Variants in C3 observed in about 807,000 individuals in gnomAD.
C3 encodes the protein complement C3, also known as C3 and PZP-like alpha-2-macroglobulin domain-containing protein 1.
In C3, 97 loss-of-function variants were observed where a neutral mutation model predicts 207.9. That is an observed-to-expected ratio of 0.47 (90% CI 0.40 to 0.55). The LOEUF (loss-of-function observed/expected upper bound fraction) is 0.55. Among genes scored for constraint, C3 ranks in the 20% least tolerant of loss-of-function variants. The pLI is 0.00. For synonymous variants in C3, 848 were observed against 857.6 expected (o/e 0.99, Z 0.20); for missense variants, 1,684 against 2,171.7 (o/e 0.78, Z 4.46).
intron 24 of C3, among the ~76,000 whole-genome samples, chr19:6,693,717 G>A (rs1375525465): frequency 2.0e-5 from 3 of 151,962 alleles, no homozygotes; most frequent in African/African-American, 7.3e-5. Flanking sequence ...AGGATATTGA[G>A]GGTGGGGGGC....
At chr19:6,690,176 G>A (rs1242394072) in intron 27 of C3, among the ~76,000 whole-genome samples, 2 of 152,136 alleles carry the variant, frequency 1.3e-5, no homozygotes, top group East Asian at 3.9e-4. Flanking sequence ...AAGATCCTCT[G>A]GACTAAGGAA....
At chr19:6,681,490 G>C (rs1378973382) in intron 35 of C3, among the ~76,000 whole-genome samples, 1 of 151,892 alleles carries the variant, frequency 6.6e-6, no homozygotes, top group Admixed American at 6.6e-5. Flanking sequence ...ACTTTGCAGT[G>C]AGCTAGTATC....
intron 21 of C3, among the ~76,000 whole-genome samples, chr19:6,697,058 A>T (rs1205778381): frequency 1.2e-5 from 1 of 81,690 alleles, no homozygotes; most frequent in African/African-American, 5.2e-5. Flanking sequence ...ATAAACAAAC[A>T]AATAAATAAA....
At position 6,680,146 on chromosome 19, in the gene C3, T is replaced by C. The variant is rs1254135637; in HGVS notation, c.4456+12A>G. 6.6e-7 allele frequency: 1 copy of C among 1,504,306 alleles called. No individual in the cohort carries two copies. The highest frequency in any genetic ancestry group is 1.4e-5 in the African/African-American group (1 of 72,588). 93.2% of individuals were successfully genotyped at this position (1,504,306 alleles called of 1,614,324 possible). On this transcript the variant is annotated intron_variant, in intron 36 of 40. Transcript: ENST00000245907. The stretch of plus-strand genomic sequence containing the variant: ...GAACCATCAGACCCCAGGCCCTAGG[T>C]TGGCTGCTCACCCAGGTTGTAATAG...
chr19:6,678,021 A>T lies in C3; in HGVS notation c.4853T>A (p.Leu1618His). The change falls in exon 41 of 41, where the codon CTC becomes CAC. Residue 1618 changes from leucine to histidine, a missense_variant and splice_region_variant. Around this residue, in one of 3 missense-constraint regions of C3, gnomAD observed 346 missense variants for 380.1 expected, o/e 0.91. Transcript: ENST00000245907. ...SSDFWGEKPNLSYIIGKDTWV... is the reference protein window; with the variant it reads ...SSDFWGEKPNHSYIIGKDTWV... ...AGTGTCCTTCCCGATGATGTAGCTGAGGCTGGAGGGAAGAATGGCAGGTCA... is the reference window on the plus strand; with the variant it reads ...AGTGTCCTTCCCGATGATGTAGCTGTGGCTGGAGGGAAGAATGGCAGGTCA... The T allele has an allele frequency of 6.2e-7, 1 of 1,613,922 alleles. No homozygotes were observed.
rs187782573 is a variant in C3 at position 6,701,338 on chromosome 19, C to A, written c.2440+789G>T. Among the ~76,000 whole-genome samples the A allele has an allele frequency of 4.9e-4, 75 of 152,232 alleles. 2 individuals carry two copies. The South Asian group carries it at 0.011, about 21-fold the overall frequency. On this transcript the variant is annotated intron_variant, in intron 19 of 40. Transcript: ENST00000245907. ...GAGACATGCCACGTGCATGCTAGTA[C>A]CTACAGCCACAGAGCCTGCTCGCCC... is the stretch of plus-strand genomic sequence containing the variant.
chr19:6,682,109 TTCCACTTA>T (rs757531444), intron 34 of C3, 25 bp downstream of exon 34: 1 of 1,608,260 alleles, frequency 6.2e-7, no homozygotes, highest in African/African-American at 1.3e-5. Flanking sequence ...CCAGGCTCCT[TTCCACTTA>T]TCCCAGCTCC....
rs778232736 is a variant in C3, at chr19:6,697,693, G to A, written c.2542C>T (p.Arg848Ter). 5 of 1,613,868 alleles carry A rather than the reference G, an allele frequency of 3.1e-6. No homozygotes were observed. Among genetic ancestry groups the A allele is most frequent in the Admixed American group, 1.7e-5 (1 of 59,982 alleles). The change falls in exon 20 of 41, where the codon CGA (arginine) becomes TGA (stop). Residue 848 changes from arginine to a stop codon, truncating the protein, a stop_gained. Transcript: ENST00000245907. LOFTEE classifies it high-confidence loss of function. Reference protein sequence around the residue: ...SVVRNEQVEIRAVLYNYRQNQ... With the variant: ...SVVRNEQVEI The stretch of plus-strand genomic sequence containing the variant: ...TGCCGGTAATTGTAGAGAACGGCTC[G>A]GATTTCCACCTGCTCGTTTCGAACA...
At chr19:6,696,252 C>T in intron 23 of C3, 127 bp downstream of exon 23, 1 of 651,978 alleles carries the variant, frequency 1.5e-6, no homozygotes, top group Admixed American at 2.3e-5. Flanking sequence ...GAAAACAGAT[C>T]ACAGATGGGC....
At chr19:6,701,624 A>C (rs392690) in intron 19 of C3, among the ~76,000 whole-genome samples, 1 of 151,948 alleles carries the variant, frequency 6.6e-6, no homozygotes, top group East Asian at 1.9e-4. Context: ...GGGTTCAACC[A>C]AATCTCCTGC....
At chr19:6,680,057 A>T in intron 36 of C3, 101 bp downstream of exon 36, 1 of 772,056 alleles carries the variant, frequency 1.3e-6, no homozygotes, top group Non-Finnish European at 2.4e-6. Context: ...AAATCCCTGG[A>T]CTCCTTAGAC....
chr19:6,706,133 C>G (rs549225809), intron 17 of C3, among the ~76,000 whole-genome samples: 3 of 152,344 alleles, frequency 2.0e-5, no homozygotes, highest in African/African-American at 7.2e-5. Flanking sequence ...TGGAATGCCA[C>G]ACAAATTAGT....
intron 34 of C3, 53 bp downstream of exon 34, chr19:6,682,089 C>T: frequency 6.2e-7 from 1 of 1,603,378 alleles, no homozygotes; most frequent in Admixed American, 1.7e-5. Flanking sequence ...CCTGCAGCCT[C>T]TTCCAGAACC....
intron 25 of C3, 109 bp downstream of exon 25, chr19:6,693,303 G>A: frequency 1.7e-6 from 2 of 1,207,632 alleles, no homozygotes; most frequent in Non-Finnish European, 1.2e-6. Flanking sequence ...CAGGTCCAGG[G>A]CTGTTTGGGC....
chr19:6,684,986 A>G lies in C3; in HGVS notation c.3969+2T>C. 6.2e-7 allele frequency: 1 copy of G among 1,613,152 alleles called. No homozygotes were observed. The highest frequency in any genetic ancestry group is 8.5e-7 in the Non-Finnish European group (1 of 1,179,872). On this transcript the variant is annotated splice_donor_variant, in intron 30 of 40. Transcript: ENST00000245907. LOFTEE classifies it high-confidence loss of function. ...GAGGAGGGCTTGGCTGGGTGACTGT[A>G]CCTCTTCTGATCGCAGGAGGCTGGC... is the stretch of plus-strand genomic sequence containing the variant.
chr19:6,701,997 C>T (rs908201781), intron 19 of C3, 130 bp downstream of exon 19: 1 of 706,348 alleles, frequency 1.4e-6, no homozygotes, highest in Non-Finnish European at 2.6e-6. Flanking sequence ...GTAACAACAC[C>T]TCTGTGGTAA....
At chr19:6,685,924 G>C (rs1316999841) in intron 29 of C3, among the ~76,000 whole-genome samples, 200 bp downstream of exon 29, 2 of 152,192 alleles carry the variant, frequency 1.3e-5, no homozygotes, top group African/African-American at 2.4e-5. Flanking sequence ...TCAACACACA[G>C]CTTGGAGTAC....
Position 6,697,474 on chromosome 19 carries a change from G to T in C3, c.2666C>A (p.Pro889His), listed in dbSNP as rs550715718. The change falls in exon 21 of 41, where the codon CCC (proline) becomes CAC (histidine). Residue 889 changes from proline (P) to histidine (H), a missense_variant. Around this residue, in one of 3 missense-constraint regions of C3, gnomAD observed 1,280 missense variants for 1,739.1 expected, o/e 0.74. Coordinates refer to ENST00000245907, the MANE Select transcript of C3 (RefSeq NM_000064.4). ...KRRHQQTVTI[P>H]PKSSLSVPYV... ...TGGAACGGACAACGAGGACTTGGGG[G>T]GGATGGTTACGGTCTGCTGGTGACG... is the stretch of plus-strand genomic sequence containing the variant. 26 of 1,614,002 alleles carry T rather than the reference G, an allele frequency of 1.6e-5. No homozygotes were observed. In the African/African-American group the frequency reaches 3.1e-4, roughly 19 times the overall value.
Position 6,720,610 on chromosome 19 carries a change from T to TCAGAGGGA in C3, c.-29_-22dup, listed in dbSNP as rs964945202. On this transcript the variant is annotated 5_prime_UTR_variant, in exon 1 of 41. Transcript: ENST00000245907. ...CCCATGGTGCTGGGACAGTGCAGGG[T>TCAGAGGGA]CAGAGGGACAGAGGGACAGAGGGAG... 1.5e-5 allele frequency: 24 copies of TCAGAGGGA among 1,558,780 alleles called. No individual in the cohort carries two copies. The highest frequency in any genetic ancestry group is 1.4e-4 in the African/African-American group (10 of 73,796).
Sources: gnomAD v4.1 joint callset for allele counts (sites outside exome capture counted in the v4.1 genomes callset) on GRCh38, gnomAD v4.1.1 for gene constraint, gnomAD v4.1.1 regional missense constraint, MANE v1.5 for transcripts, NCBI Gene and HGNC (gene_info 2026-07-23, HGNC 2026-07-21) for gene names.